TTLL7: variants seen among roughly 807,000 people sequenced by gnomAD.
TTLL7 encodes tubulin polyglutamylase TTLL7.
A neutral mutation model predicts 120.2 loss-of-function variants in TTLL7; 53 were observed. The observed-to-expected ratio is 0.44, with a 90% CI of 0.35 to 0.55. The LOEUF (loss-of-function observed/expected upper bound fraction) is 0.55, where lower values mean the gene tolerates loss of function less well. TTLL7 is among the 20% of genes least tolerant of loss of function. The probability of loss-of-function intolerance (pLI) is 0.00; values close to 1 mark genes in which losing one functional copy is unlikely to be tolerated. For synonymous variants in TTLL7, 353 were observed against 351.7 expected, an observed-to-expected ratio of 1.00 and a Z score of -0.04; for missense variants, 803 against 1,054.7, an observed-to-expected ratio of 0.76 and a Z score of 3.31.
rs558331716 is a variant in TTLL7 at position 83,880,936 on chromosome 1, G to A, written c.2543+2027C>T. On this transcript the variant is annotated intron_variant, in intron 20 of 20. Coordinates refer to ENST00000260505, the MANE Select transcript of TTLL7 (RefSeq NM_024686.6). Reference sequence around the variant, plus strand: ...GAACAGAGCCCTCAGAAATAATGCCGCATATCTACAACTATCCGATCTTTG... The same window carrying A: ...GAACAGAGCCCTCAGAAATAATGCCACATATCTACAACTATCCGATCTTTG... Among the ~76,000 whole-genome samples the A allele has an allele frequency of 2.7e-4, 41 of 152,022 alleles. 1 individual carries two copies. The highest frequency in any genetic ancestry group is 1.0e-3 in the South Asian group (5 of 4,804).
At chr1:83,908,908 T>C (rs1261391726) in intron 15 of TTLL7, among the ~76,000 whole-genome samples, 2 of 152,044 alleles carry the variant, frequency 1.3e-5, no homozygotes, top group Non-Finnish European at 2.9e-5. Context: ...AAGGTATACT[T>C]ATTTAAGCTA....
chr1:83,921,138 C>T lies in TTLL7; in HGVS notation c.1313G>A (p.Arg438Gln), dbSNP rs551641536. Reference protein sequence around the residue: ...EELKERLAQVRKQISREEHEN... With the variant: ...EELKERLAQVQKQISREEHEN... ...ATGTTCTTCTCGTGAGATCTGCTTTCGTACTTGAGCGAGTCTCTCTTTCTG... is the reference window on the plus strand; with the variant it reads ...ATGTTCTTCTCGTGAGATCTGCTTTTGTACTTGAGCGAGTCTCTCTTTCTG... Residue 438 changes from arginine (R) to glutamine (Q), a missense_variant, in exon 12 of 21, where the codon CGA becomes CAA. Transcript: ENST00000260505. 1.2e-6 allele frequency: 2 copies of T among 1,613,100 alleles called. No homozygotes were observed. The highest frequency in any genetic ancestry group is 1.1e-5 in the South Asian group (1 of 90,862).
rs1196437521 is a variant in TTLL7 at position 83,866,868 on chromosome 1, CAGTCTCAG to C, written c.*3086_*3093del. 8 of 151,918 alleles carry C rather than the reference CAGTCTCAG, an allele frequency of 5.3e-5. No individual in the cohort carries two copies. The highest frequency in any genetic ancestry group is 1.9e-4 in the African/African-American group (8 of 41,416). 9.4% of individuals were successfully genotyped at this position (151,918 alleles called of 1,614,324 possible). On this transcript the variant is annotated 3_prime_UTR_variant, in exon 21 of 21. Coordinates refer to ENST00000260505, the MANE Select transcript of TTLL7 (RefSeq NM_024686.6). ...GATTAGTCAAGTGAAAACTAGTTTG[CAGTCTCAG>C]ACTACGTTTGTAAGTGATGATTTAA...
intron 10 of TTLL7, among the ~76,000 whole-genome samples, chr1:83,925,973 T>C (rs556159525): frequency 6.6e-6 from 1 of 151,990 alleles, no homozygotes; most frequent in African/African-American, 2.4e-5. Flanking sequence ...ATACAAAAAT[T>C]AGCCGGGAGT....
intron 1 of TTLL7, among the ~76,000 whole-genome samples, chr1:83,955,735 G>T (rs1287158745): frequency 6.6e-6 from 1 of 152,132 alleles, no homozygotes; most frequent in Admixed American, 6.5e-5. Context: ...AATTAGCCAG[G>T]CACCATGGCT....
At chr1:83,881,693 A>G (rs1295506741) in intron 20 of TTLL7, among the ~76,000 whole-genome samples, 1 of 151,632 alleles carries the variant, frequency 6.6e-6, no homozygotes, top group Non-Finnish European at 1.5e-5. Flanking sequence ...TTCCTCAGGG[A>G]TCTAGACCTA....
chr1:83,926,035 C>T (rs1193484772), intron 10 of TTLL7, among the ~76,000 whole-genome samples: 6 of 151,134 alleles, frequency 4.0e-5, no homozygotes, highest in East Asian at 1.9e-4. Flanking sequence ...ACAGGAGAAT[C>T]GCTTGAACCT....
chr1:83,954,379 C>T (rs933709400), intron 1 of TTLL7, among the ~76,000 whole-genome samples: 1 of 152,180 alleles, frequency 6.6e-6, no homozygotes, highest in African/African-American at 2.4e-5. Flanking sequence ...ATGCCTTAGT[C>T]AAAGTGCTTT....
rs371388015 is a variant in TTLL7, at chr1:83,917,949, T to G, written c.1501-259A>C. ...AAACAAATGTATCTTTATAGTACAG[T>G]ATAGTATTAAAATCTTAGAGTATAA... On this transcript the variant is annotated intron_variant, in intron 13 of 20. Transcript: ENST00000260505. 4.5e-4 allele frequency among the ~76,000 whole-genome samples: 68 copies of G among 152,290 alleles called. 1 individual carries two copies. In the South Asian group the frequency reaches 0.013, roughly 29 times the overall value.
chr1:83,887,270 A>C (rs1655046065), intron 19 of TTLL7: 5 of 1,218,072 alleles, frequency 4.1e-6, no homozygotes, highest in Non-Finnish European at 5.3e-6. Flanking sequence ...TATTTTTCTA[A>C]GATTTTACAC....
intron 4 of TTLL7, 37 bp from the exon 5 acceptor site, chr1:83,948,732 G>A (rs773473283): frequency 1.8e-5 from 26 of 1,432,044 alleles, no homozygotes; most frequent in South Asian, 2.4e-5. Flanking sequence ...TATTCTCAGC[G>A]AATTAATTAT....
intron 20 of TTLL7, among the ~76,000 whole-genome samples, chr1:83,875,882 G>A (rs773536362): frequency 4.2e-4 from 63 of 151,698 alleles, no homozygotes; most frequent in African/African-American, 1.4e-3. Flanking sequence ...CCATCCTGTG[G>A]CTTGCTTTTC....
intron 10 of TTLL7, among the ~76,000 whole-genome samples, chr1:83,928,836 C>G (rs1659352387): frequency 6.6e-6 from 1 of 151,852 alleles, no homozygotes; most frequent in Admixed American, 6.6e-5. Context: ...TGAAATTTAA[C>G]CTCATTTACT....
chr1:83,917,372 C>G (rs1211602727), intron 14 of TTLL7, among the ~76,000 whole-genome samples: 2 of 152,100 alleles, frequency 1.3e-5, no homozygotes, highest in Non-Finnish European at 1.5e-5. Context: ...TTGGCCCTGA[C>G]TCATGGTCTT....
chr1:83,922,237 CAG>C (rs1358653159), intron 10 of TTLL7, among the ~76,000 whole-genome samples: 1 of 152,050 alleles, frequency 6.6e-6, no homozygotes, highest in African/African-American at 2.4e-5. Context: ...AAAAACAAAA[CAG>C]AAAGTTCTAT....
At chr1:83,941,710 A>C (rs1048605508) in intron 7 of TTLL7, among the ~76,000 whole-genome samples, 1 of 152,210 alleles carries the variant, frequency 6.6e-6, no homozygotes, top group Admixed American at 6.5e-5. Context: ...CTAAAGTTTA[A>C]GTATGCATAA....
rs116385455 is a variant in TTLL7 at position 83,941,570 on chromosome 1, G to A, written c.723+893C>T. On this transcript the variant is annotated intron_variant, in intron 7 of 20. Transcript: ENST00000260505. Reference sequence around the variant, plus strand: ...ATTATTTAATGTTGAAAAAATGACCGCACTTAATGGAGTTAATTGTGTGCA... The same window carrying A: ...ATTATTTAATGTTGAAAAAATGACCACACTTAATGGAGTTAATTGTGTGCA... Among the ~76,000 whole-genome samples the A allele has an allele frequency of 6.6e-5, 10 of 152,116 alleles. No homozygotes were observed. In the South Asian group the frequency reaches 1.5e-3, roughly 22 times the overall value.
Position 83,929,199 on chromosome 1 carries a change from T to C in TTLL7, c.1079A>G (p.Gln360Arg). 1 of 1,612,408 alleles carries C rather than the reference T, an allele frequency of 6.2e-7. No individual in the cohort carries two copies. The highest frequency in any genetic ancestry group is 8.5e-7 in the Non-Finnish European group (1 of 1,178,970). ...INRAPSFGTD[Q>R]KIDYDVKRGV... is the part of the protein sequence containing the mutation. ...CCTTTTTACATCATAGTCTATTTTC[T>C]GATCAGTTCCAAAGCTTGGGGCTCG... Residue 360 changes from glutamine (Q) to arginine (R), a missense_variant, in exon 10 of 21, where the codon CAG becomes CGG. Physicochemically the swap from Gln to Arg is conservative, Grantham distance 43. Coordinates refer to ENST00000260505, the MANE Select transcript of TTLL7 (RefSeq NM_024686.6).
intron 9 of TTLL7, among the ~76,000 whole-genome samples, chr1:83,933,160 CGAATACT>C (rs1557675043): frequency 6.6e-6 from 1 of 151,944 alleles, no homozygotes; most frequent in African/African-American, 2.4e-5. Context: ...CCTGGGGTAT[CGAATACT>C]GAATACTGAT....
Sources: allele counts gnomAD v4.1 joint callset (sites outside exome capture counted in the v4.1 genomes callset), GRCh38; gene constraint gnomAD v4.1.1; transcripts MANE v1.5; gene names NCBI Gene and HGNC (gene_info 2026-07-23, HGNC 2026-07-21).